BCKDHB: variants seen among roughly 807,000 people sequenced by gnomAD.
BCKDHB encodes the protein 2-oxoisovalerate dehydrogenase subunit beta, mitochondrial.
Under a neutral mutation model 48.5 loss-of-function variants are expected in BCKDHB, and 41 were observed. That is an observed-to-expected ratio of 0.85 (90% confidence interval 0.66 to 1.10). The LOEUF (loss-of-function observed/expected upper bound fraction) is 1.10, where lower values mean the gene tolerates loss of function less well. Ranked by LOEUF, BCKDHB falls within the 50% of genes least tolerant of loss-of-function variation. The probability of loss-of-function intolerance (pLI) is 0.00; values close to 1 mark genes in which losing one functional copy is unlikely to be tolerated. For synonymous variants in BCKDHB, 201 were observed against 174.8 expected (o/e 1.15, Z -1.18); for missense variants, 496 against 494.2 (o/e 1.00, Z -0.03).
At chr6:80,434,430 AT>A in the BCKDHB span, among the ~76,000 whole-genome samples, 1 of 151,748 alleles carries the variant, frequency 6.6e-6, no homozygotes, top group East Asian at 1.9e-4. Context: ...TGCTAATTTT[AT>A]CACCTCTGTC....
rs1008149670 is a variant in BCKDHB at position 80,308,278 on chromosome 6, C to T, written c.1038+35057C>T. ...CATGGACATTGTTTCATATTCTTAA[C>T]TTGTTCAAAAGTCGTGTTTAATGGC... On this transcript the variant is annotated intron_variant, in intron 9 of 9. Transcript: ENST00000320393. Among the ~76,000 whole-genome samples, 58 of 152,022 alleles carry T rather than the reference C, an allele frequency of 3.8e-4. 1 individual carries two copies. Among genetic ancestry groups the T allele is most frequent in the African/African-American group, 1.3e-3 (55 of 41,490 alleles).
At chr6:80,294,082 C>T (rs1257062240) in intron 9 of BCKDHB, among the ~76,000 whole-genome samples, 2 of 152,202 alleles carry the variant, frequency 1.3e-5, no homozygotes, top group Non-Finnish European at 2.9e-5. Flanking sequence ...CTGCCTATTA[C>T]CCAATTCCAA....
At chr6:80,329,121 T>G (rs76449177) in intron 9 of BCKDHB, among the ~76,000 whole-genome samples, 1 of 152,266 alleles carries the variant, frequency 6.6e-6, no homozygotes, top group Admixed American at 6.5e-5. Flanking sequence ...AAAAAATACT[T>G]GAATAGTAGC....
rs1418166838 is a variant in BCKDHB, at chr6:80,344,895, A to G, written c.*1091A>G. The stretch of plus-strand genomic sequence containing the variant: ...ATTCCAGTTATTTACATGATAATTC[A>G]TGACATTCTGAAACTTGCCTGTATA... On this transcript the variant is annotated 3_prime_UTR_variant, in exon 10 of 10. Transcript: ENST00000320393. 6.6e-6 allele frequency: 1 copy of G among 152,330 alleles called. No homozygotes were observed. The highest frequency in any genetic ancestry group is 2.1e-4 in the South Asian group (1 of 4,822). 9.4% of individuals were successfully genotyped at this position (152,330 alleles called of 1,614,324 possible).
chr6:80,330,554 A>T (rs142361226), intron 9 of BCKDHB, among the ~76,000 whole-genome samples: 4 of 152,306 alleles, frequency 2.6e-5, no homozygotes, highest in African/African-American at 9.6e-5. Context: ...CTAAAATGAG[A>T]CACCACTTAA....
intron 3 of BCKDHB, among the ~76,000 whole-genome samples, chr6:80,131,180 G>C (rs1770611406): frequency 1.3e-5 from 2 of 152,114 alleles, no homozygotes; most frequent in Non-Finnish European, 2.9e-5. Flanking sequence ...CTGAATTTCT[G>C]TCTCTAGTTC....
At chr6:80,144,518 G>C (rs1437170995) in intron 3 of BCKDHB, among the ~76,000 whole-genome samples, 2 of 152,142 alleles carry the variant, frequency 1.3e-5, no homozygotes, top group Non-Finnish European at 2.9e-5. Context: ...GCAGTTTGAT[G>C]AAGGTGAATC....
intron 6 of BCKDHB, among the ~76,000 whole-genome samples, chr6:80,189,128 C>T (rs958548194): frequency 2.6e-5 from 4 of 152,252 alleles, no homozygotes; most frequent in Admixed American, 1.3e-4. Flanking sequence ...TATTTACTTA[C>T]ATTTAATAAA....
intron 1 of BCKDHB, among the ~76,000 whole-genome samples, chr6:80,109,955 A>G (rs879257812): frequency 3.9e-5 from 6 of 152,182 alleles, no homozygotes; most frequent in African/African-American, 9.7e-5. Flanking sequence ...CTCCCACACT[A>G]CTTATATACT....
At chr6:80,215,568 C>T (rs1000655759) in intron 8 of BCKDHB, among the ~76,000 whole-genome samples, 2 of 152,080 alleles carry the variant, frequency 1.3e-5, no homozygotes, top group East Asian at 1.9e-4. Flanking sequence ...TGAAAAATAA[C>T]GTGGCATTTG....
chr6:80,365,342 A>T, the BCKDHB span, among the ~76,000 whole-genome samples: 1 of 152,250 alleles, frequency 6.6e-6, no homozygotes, highest in Admixed American at 6.5e-5. Flanking sequence ...AGTAAGCCTG[A>T]GGGTACTGCA....
the BCKDHB span, among the ~76,000 whole-genome samples, chr6:80,351,827 T>TC: frequency 4.7e-5 from 7 of 148,900 alleles, no homozygotes; most frequent in South Asian, 2.1e-4. Flanking sequence ...TTTCTTTCTT[T>TC]TTTTTTTTTT....
chr6:80,438,021 C>T, the BCKDHB span, among the ~76,000 whole-genome samples: 48 of 152,274 alleles, frequency 3.2e-4, 1 homozygote, highest in East Asian at 3.3e-3. Flanking sequence ...TCGCTTATTA[C>T]GCACTGGATA....
At chr6:80,205,680 C>G (rs1774612695) in intron 8 of BCKDHB, among the ~76,000 whole-genome samples, 1 of 152,002 alleles carries the variant, frequency 6.6e-6, no homozygotes, top group Non-Finnish European at 1.5e-5. Context: ...AGTTTTTCCA[C>G]TCAATTCTGA....
chr6:80,196,644 A>AT (rs1486883393), intron 6 of BCKDHB, among the ~76,000 whole-genome samples: 12 of 152,142 alleles, frequency 7.9e-5, no homozygotes, highest in Non-Finnish European at 7.3e-5. Context: ...TGGTATATAT[A>AT]TATATTATTT....
the BCKDHB span, among the ~76,000 whole-genome samples, chr6:80,429,813 G>A: frequency 6.6e-6 from 1 of 152,198 alleles, no homozygotes; most frequent in Non-Finnish European, 1.5e-5. Flanking sequence ...TCTACAAACA[G>A]AGACAATTTG....
Position 80,309,505 on chromosome 6 carries a change from G to A in BCKDHB, c.1039-34159G>A, listed in dbSNP as rs189506010. On this transcript the variant is annotated intron_variant, in intron 9 of 9. Coordinates refer to ENST00000320393, the MANE Select transcript of BCKDHB (RefSeq NM_183050.4). Reference sequence around the variant, plus strand: ...TAATTTTATAAAAATATTTATCTTTGAAATATTTACTTGTGTAATAATGAC... The same window carrying A: ...TAATTTTATAAAAATATTTATCTTTAAAATATTTACTTGTGTAATAATGAC... 3.1e-4 allele frequency among the ~76,000 whole-genome samples: 47 copies of A among 151,994 alleles called. No homozygotes were observed. The East Asian group carries it at 7.9e-3, about 26-fold the overall frequency.
At chr6:80,286,322 TGCTGGTTAGGCTATTTGAAG>T (rs2127979917) in intron 9 of BCKDHB, among the ~76,000 whole-genome samples, 1 of 152,352 alleles carries the variant, frequency 6.6e-6, no homozygotes, top group Admixed American at 6.5e-5. Flanking sequence ...TATTTTGAAA[TGCTGGTTAGGCTATTTGAAG>T]AGATTTGCTA....
At chr6:80,374,428 G>T in the BCKDHB span, 32 of 770,944 alleles carry the variant, frequency 4.2e-5, no homozygotes, top group Admixed American at 2.8e-4. Flanking sequence ...ACATCTTTCA[G>T]ATATTTTGTG....
Sources: gnomAD v4.1 joint callset for allele counts (sites outside exome capture counted in the v4.1 genomes callset) on GRCh38, gnomAD v4.1.1 for gene constraint, MANE v1.5 for transcripts, NCBI Gene and HGNC (gene_info 2026-07-23, HGNC 2026-07-21) for gene names.